The following TOP1 variants were observed in gnomAD, a reference collection of about 807,000 sequenced individuals.
TOP1 encodes the protein DNA topoisomerase I, also known as DNA topoisomerase 1.
Under a neutral mutation model 111.1 loss-of-function variants are expected in TOP1, and 10 were observed. The observed-to-expected ratio is 0.09, with a 90% CI of 0.06 to 0.15. The LOEUF is 0.15. Ranked by LOEUF, TOP1 falls within the 10% of genes least tolerant of loss-of-function variation. The pLI, the probability that TOP1 is intolerant of heterozygous loss-of-function variation, is 1.00. For missense variants in TOP1, 474 were observed against 926.7 expected, an observed-to-expected ratio of 0.51 and a Z score of 6.34; for synonymous variants, 271 against 302.9, an observed-to-expected ratio of 0.89 and a Z score of 1.10.
intron 2 of TOP1, among the ~76,000 whole-genome samples, chr20:41,056,149 G>C (rs955426666): frequency 6.6e-6 from 1 of 152,154 alleles, no homozygotes; most frequent in Non-Finnish European, 1.5e-5. Flanking sequence ...TTACATGGAA[G>C]TACTTCAGTA....
At chr20:41,053,674 T>C (rs1404301429) in intron 2 of TOP1, among the ~76,000 whole-genome samples, 1 of 152,250 alleles carries the variant, frequency 6.6e-6, no homozygotes, top group Non-Finnish European at 1.5e-5. Flanking sequence ...CGATAGAAAC[T>C]GTTACTTTAA....
rs748325948 is a variant in TOP1, at chr20:41,114,136, A to G, written c.1619A>G (p.Lys540Arg). The G allele has an allele frequency of 6.2e-7, 1 of 1,613,900 alleles. No homozygotes were observed. ...AAGGACTCCATCAGATACTATAACA[A>G]GGTCCCTGTTGAGAAACGAGTAAGT... ...LGKDSIRYYNKVPVEKRVFKN... is the reference protein window; with the variant it reads ...LGKDSIRYYNRVPVEKRVFKN... The change falls in exon 15 of 21, where the codon AAG becomes AGG. Residue 540 changes from lysine to arginine, a missense_variant. Around this residue, in one of 14 missense-constraint regions of TOP1, gnomAD observed 18 missense variants for 88.6 expected, o/e 0.20. Coordinates refer to ENST00000361337, the MANE Select transcript of TOP1 (RefSeq NM_003286.4). This position sits in a 1 kb window ranked among gnomAD's most constrained non-coding sequence, Gnocchi z 4.5.
intron 2 of TOP1, among the ~76,000 whole-genome samples, chr20:41,053,323 A>G (rs1429912445): frequency 6.6e-6 from 1 of 152,026 alleles, no homozygotes. Context: ...GTTAACTCCT[A>G]ACTGCCACTC....
intron 8 of TOP1, among the ~76,000 whole-genome samples, chr20:41,088,607 C>T (rs1046059444): frequency 1.3e-5 from 2 of 152,138 alleles, no homozygotes; most frequent in African/African-American, 4.8e-5. Context: ...CACGGTTACT[C>T]TGTGACTGCT....
chr20:41,096,052 C>T (rs1453267117), intron 9 of TOP1, among the ~76,000 whole-genome samples: 1 of 152,136 alleles, frequency 6.6e-6, no homozygotes, highest in Non-Finnish European at 1.5e-5. Flanking sequence ...ATTGTGAAAA[C>T]ATCTGAGTCC....
In TOP1 at chr20:41,080,924, T is replaced by C. The variant is rs1015732818; in HGVS notation, c.432-241T>C. ...TATTTCTGCATATATCCCCCCACCC[T>C]ATTTTGCTTCCAGGCCGGTGTAAGT... On this transcript the variant is annotated intron_variant, in intron 6 of 20. Transcript: ENST00000361337. The surrounding 1 kb of genome is among the most constrained non-coding windows in gnomAD (Gnocchi z 5.0). Among the ~76,000 whole-genome samples the C allele has an allele frequency of 2.0e-5, 3 of 152,164 alleles. No homozygotes were observed. The highest frequency in any genetic ancestry group is 7.2e-5 in the African/African-American group (3 of 41,456).
intron 8 of TOP1, among the ~76,000 whole-genome samples, chr20:41,089,054 TCGC>T (rs1351281414): frequency 8.7e-5 from 11 of 126,394 alleles, no homozygotes; most frequent in Non-Finnish European, 3.2e-5. Context: ...AGACAGAGTC[TCGC>T]TCTGTCGCCC....
At chr20:41,062,142 T>A (rs987147102) in intron 3 of TOP1, among the ~76,000 whole-genome samples, 2 of 152,208 alleles carry the variant, frequency 1.3e-5, no homozygotes, top group Non-Finnish European at 2.9e-5. Flanking sequence ...TTAAATCTAG[T>A]TATTGAAAAT....
intron 9 of TOP1, among the ~76,000 whole-genome samples, chr20:41,093,048 G>A (rs1173363306): frequency 6.6e-6 from 1 of 152,176 alleles, no homozygotes; most frequent in African/African-American, 2.4e-5. Flanking sequence ...TCTAGATAGG[G>A]CTGGTAGGCA....
At position 41,097,535 on chromosome 20, in the gene TOP1, A is replaced by G. The variant is rs2033998830; in HGVS notation, c.852+194A>G. 6.6e-6 allele frequency among the ~76,000 whole-genome samples: 1 copy of G among 152,192 alleles called. No homozygotes were observed. The highest frequency in any genetic ancestry group is 1.5e-5 in the Non-Finnish European group (1 of 68,034). On this transcript the variant is annotated intron_variant, in intron 10 of 20. Transcript: ENST00000361337. The surrounding 1 kb of genome is among the most constrained non-coding windows in gnomAD (Gnocchi z 4.2). ...TTCTGTCCAACAAGAGTACTTGTATATCTTTGCTATTGGCTCTCATGTGAT... is the reference window on the plus strand; with the variant it reads ...TTCTGTCCAACAAGAGTACTTGTATGTCTTTGCTATTGGCTCTCATGTGAT...
rs1465888093 is a variant in TOP1, at chr20:41,100,532, CCATGTT to C, written c.1163+290_1163+295del. The C allele has an allele frequency of 3.3e-6, 1 of 304,120 alleles. No homozygotes were observed. Among genetic ancestry groups the C allele is most frequent in the Non-Finnish European group, 6.1e-6 (1 of 164,302 alleles). 18.8% of individuals were successfully genotyped at this position (304,120 alleles called of 1,614,324 possible). A position where few individuals can be genotyped will look rare whatever the true frequency, so the allele number is the denominator to read the frequency against. The stretch of plus-strand genomic sequence containing the variant: ...TCCACCCCCAAATTTAATGTCTTTT[CCATGTT>C]TATTAAGTACTTATCACATAGAGTG... On this transcript the variant is annotated intron_variant, in intron 12 of 20. Coordinates refer to ENST00000361337, the MANE Select transcript of TOP1 (RefSeq NM_003286.4). The surrounding 1 kb of genome is among the most constrained non-coding windows in gnomAD (Gnocchi z 4.4).
intron 3 of TOP1, among the ~76,000 whole-genome samples, chr20:41,068,293 G>A (rs958158059): frequency 2.6e-5 from 4 of 152,152 alleles, no homozygotes; most frequent in African/African-American, 9.7e-5. Flanking sequence ...TCTCTTGTCT[G>A]GCCTGTAACA....
chr20:41,043,229 C>G (rs1204810131), intron 2 of TOP1, among the ~76,000 whole-genome samples: 2 of 152,182 alleles, frequency 1.3e-5, no homozygotes, highest in Non-Finnish European at 2.9e-5. Context: ...ACCAGGTGAT[C>G]AGATGTGCAC....
rs1362420802 is a variant in TOP1, at chr20:41,078,974, C to G, written c.336-1111C>G. Among the ~76,000 whole-genome samples the G allele has an allele frequency of 6.6e-6, 1 of 152,188 alleles. No individual in the cohort carries two copies. The highest frequency in any genetic ancestry group is 2.4e-5 in the African/African-American group (1 of 41,444). ...TGACAAACTTAGGATCTAGCATTTA[C>G]TTAACTAGTTGGGTAAATGATAGGC... On this transcript the variant is annotated intron_variant, in intron 5 of 20. Transcript: ENST00000361337. This position sits in a 1 kb window ranked among gnomAD's most constrained non-coding sequence, Gnocchi z 5.3.
intron 3 of TOP1, among the ~76,000 whole-genome samples, chr20:41,070,828 G>A (rs2033661135): frequency 6.6e-6 from 1 of 152,182 alleles, no homozygotes; most frequent in African/African-American, 2.4e-5. Context: ...GTAGTCAAGT[G>A]CATGACCCTG....
chr20:41,115,707 T>G lies in TOP1; in HGVS notation c.1707+268T>G, dbSNP rs2034318476. ...ATCCTTCCCTGCTCCTGCAGAGCTT[T>G]CCCTTCACTGAATGCCCAGCCACCC... is the stretch of plus-strand genomic sequence containing the variant. On this transcript the variant is annotated intron_variant, in intron 16 of 20. Transcript: ENST00000361337. This position sits in a 1 kb window ranked among gnomAD's most constrained non-coding sequence, Gnocchi z 6.3. Among the ~76,000 whole-genome samples the G allele has an allele frequency of 6.6e-6, 1 of 152,180 alleles. No homozygotes were observed. The highest frequency in any genetic ancestry group is 1.5e-5 in the Non-Finnish European group (1 of 68,036).
chr20:41,117,449 G>A (rs565933863), intron 17 of TOP1, among the ~76,000 whole-genome samples: 7 of 137,562 alleles, frequency 5.1e-5, no homozygotes, highest in South Asian at 2.4e-4. Flanking sequence ...GCAGTGGCGC[G>A]ATCTCGGCTC....
In TOP1 at chr20:41,122,207, G is replaced by A. The variant is rs1246091320; in HGVS notation, c.2195+52G>A. 1 of 1,599,948 alleles carries A rather than the reference G, an allele frequency of 6.3e-7. No homozygotes were observed. The stretch of plus-strand genomic sequence containing the variant: ...CTGCTGCTAGCTTAAGAAAGGTGGA[G>A]GGGGTTCCGAGAGCACTGGTGGCCT... On this transcript the variant is annotated intron_variant, in intron 20 of 20. Coordinates refer to ENST00000361337, the MANE Select transcript of TOP1 (RefSeq NM_003286.4). This position sits in a 1 kb window ranked among gnomAD's most constrained non-coding sequence, Gnocchi z 5.4.
rs2034195316 is a variant in TOP1 at position 41,109,218 on chromosome 20, C to T, written c.1309-3564C>T. Among the ~76,000 whole-genome samples, 1 of 152,164 alleles carries T rather than the reference C, an allele frequency of 6.6e-6. No individual in the cohort carries two copies. The highest frequency in any genetic ancestry group is 2.4e-5 in the African/African-American group (1 of 41,434). ...TACAATATTCATCTTGGGAAGCTCT[C>T]ATTTTGGTGAGTTCTATTAGAGAAA... On this transcript the variant is annotated intron_variant, in intron 13 of 20. Transcript: ENST00000361337. The surrounding 1 kb of genome is among the most constrained non-coding windows in gnomAD (Gnocchi z 4.1).
Sources: allele counts gnomAD v4.1 joint callset (sites outside exome capture counted in the v4.1 genomes callset), GRCh38; gene constraint gnomAD v4.1.1; regional missense constraint gnomAD v4.1.1; non-coding constraint Gnocchi (gnomAD v3.1); transcripts MANE v1.5; gene names NCBI Gene and HGNC (gene_info 2026-07-23, HGNC 2026-07-21).